The following UNC5C variants were observed in gnomAD, a reference collection of about 807,000 sequenced individuals.
UNC5C encodes the protein unc-5 netrin receptor C, also known as netrin receptor UNC5C.
In UNC5C, 47 loss-of-function variants were observed where a neutral mutation model predicts 99.8. The observed-to-expected ratio is 0.47, with a 90% CI of 0.37 to 0.60. UNC5C has a LOEUF of 0.60. Among genes scored for constraint, UNC5C ranks in the 20% least tolerant of loss-of-function variants. UNC5C has a pLI of 0.00. For missense variants in UNC5C, 1,062 were observed against 1,165.9 expected (o/e 0.91, Z 1.30); for synonymous variants, 487 against 452.2 (o/e 1.08, Z -0.98).
chr4:95,250,178 T>C (rs1450603939), intron 5 of UNC5C, among the ~76,000 whole-genome samples: 1 of 152,028 alleles, frequency 6.6e-6, no homozygotes, highest in East Asian at 1.9e-4. Flanking sequence ...TTAAACCTCA[T>C]TGCCCCTGTG....
intron 2 of UNC5C, among the ~76,000 whole-genome samples, chr4:95,330,741 G>T (rs1357048306): frequency 2.6e-5 from 4 of 151,744 alleles, no homozygotes; most frequent in African/African-American, 9.7e-5. Flanking sequence ...TTGTCTAATG[G>T]CACTGGCTAG....
chr4:95,240,479 G>A (rs1012673436), intron 7 of UNC5C, among the ~76,000 whole-genome samples: 6 of 152,104 alleles, frequency 3.9e-5, no homozygotes, highest in African/African-American at 1.4e-4. Context: ...ATACAGGAGG[G>A]CAGATGAAAG....
chr4:95,503,887 T>C (rs1289665785), intron 1 of UNC5C, among the ~76,000 whole-genome samples: 1 of 152,168 alleles, frequency 6.6e-6, no homozygotes, highest in East Asian at 1.9e-4. Flanking sequence ...TTCACTTGTA[T>C]CCTTGATATA....
intron 1 of UNC5C, among the ~76,000 whole-genome samples, chr4:95,470,854 T>C (rs1465148047): frequency 6.6e-6 from 1 of 152,140 alleles, no homozygotes; most frequent in Admixed American, 6.6e-5. Context: ...ATTATTCATT[T>C]TAATTTGTAA....
chr4:95,394,101 G>A (rs1025826716), intron 1 of UNC5C, among the ~76,000 whole-genome samples: 2 of 152,048 alleles, frequency 1.3e-5, no homozygotes, highest in Non-Finnish European at 2.9e-5. Flanking sequence ...TGCTTTTAAT[G>A]TACTAAAGCT....
chr4:95,242,695 C>A (rs1739371508), intron 6 of UNC5C, 102 bp from the exon 7 acceptor site: 3 of 1,286,864 alleles, frequency 2.3e-6, no homozygotes, highest in Non-Finnish European at 3.1e-6. Flanking sequence ...CAAGAACAAG[C>A]ATGCCCTACT....
intron 1 of UNC5C, among the ~76,000 whole-genome samples, chr4:95,437,208 G>C (rs1159894763): frequency 6.6e-6 from 1 of 151,720 alleles, no homozygotes; most frequent in Non-Finnish European, 1.5e-5. Context: ...ATTTACATTA[G>C]TGTATCATGT....
intron 1 of UNC5C, among the ~76,000 whole-genome samples, chr4:95,350,853 T>A (rs1004736877): frequency 2.0e-5 from 3 of 152,126 alleles, no homozygotes; most frequent in African/African-American, 7.2e-5. Context: ...AACTTAGGTG[T>A]TTCTGTGAAG....
chr4:95,411,030 C>A (rs1745971116), intron 1 of UNC5C, among the ~76,000 whole-genome samples: 1 of 152,186 alleles, frequency 6.6e-6, no homozygotes, highest in South Asian at 2.1e-4. Flanking sequence ...ATTGTCTCTA[C>A]AAGTCAACCT....
chr4:95,254,996 G>GTT (rs545985223), intron 4 of UNC5C, among the ~76,000 whole-genome samples: 3 of 141,686 alleles, frequency 2.1e-5, no homozygotes, highest in African/African-American at 5.1e-5. Flanking sequence ...GTTGTTTTTT[G>GTT]TTTTTTTTTT....
At chr4:95,475,712 A>G (rs1748124756) in intron 1 of UNC5C, among the ~76,000 whole-genome samples, 1 of 152,126 alleles carries the variant, frequency 6.6e-6, no homozygotes, top group Non-Finnish European at 1.5e-5. Flanking sequence ...TAAAACAAAC[A>G]GCTACCCACC....
chr4:95,216,108 G>GA lies in UNC5C; in HGVS notation c.1733+15dup. The GA allele has an allele frequency of 1.2e-6, 2 of 1,606,984 alleles. No individual in the cohort carries two copies. Among genetic ancestry groups the GA allele is most frequent in the Non-Finnish European group, 1.7e-6 (2 of 1,174,668 alleles). ...AGACATTGGTAAAGTCAGTGCACCA[G>GA]AAAAAGCATATTTACCTCATAGTTT... On this transcript the variant is annotated intron_variant, in intron 10 of 15. Transcript: ENST00000453304.
At chr4:95,512,629 A>G (rs1722109468) in intron 1 of UNC5C, among the ~76,000 whole-genome samples, 1 of 152,202 alleles carries the variant, frequency 6.6e-6, no homozygotes. Context: ...TCAATTTTAC[A>G]TAACAAAATC....
intron 2 of UNC5C, among the ~76,000 whole-genome samples, chr4:95,329,608 C>T (rs116674584): frequency 6.6e-6 from 1 of 152,134 alleles, no homozygotes; most frequent in African/African-American, 2.4e-5. Context: ...CATTGCTGTT[C>T]CTGTATCTTG....
intron 10 of UNC5C, among the ~76,000 whole-genome samples, chr4:95,213,045 C>T (rs1738129109): frequency 6.6e-6 from 1 of 152,216 alleles, no homozygotes; most frequent in African/African-American, 2.4e-5. Flanking sequence ...CCGGATCAAT[C>T]TTTAAAAAGC....
chr4:95,284,565 G>A (rs1174885018), intron 3 of UNC5C, among the ~76,000 whole-genome samples: 4 of 152,118 alleles, frequency 2.6e-5, no homozygotes, highest in Admixed American at 2.6e-4. Context: ...GGATCTACAG[G>A]TGTGAGTAAG....
intron 1 of UNC5C, among the ~76,000 whole-genome samples, chr4:95,483,033 TAATAA>T (rs765679779): frequency 0.27 from 36,902 of 137,034 alleles, 5,486 homozygotes; most frequent in Non-Finnish European, 0.34. Flanking sequence ...ATAATAATAA[TAATAA>T]TAATAAAAAC....
intron 4 of UNC5C, among the ~76,000 whole-genome samples, chr4:95,272,868 G>A (rs1265472458): frequency 1.3e-5 from 2 of 152,148 alleles, no homozygotes; most frequent in East Asian, 1.9e-4. Flanking sequence ...CAATATAGCT[G>A]CATGGAAATT....
At chr4:95,179,155 C>T (rs1042464253) in intron 14 of UNC5C, among the ~76,000 whole-genome samples, 2 of 152,168 alleles carry the variant, frequency 1.3e-5, no homozygotes, top group African/African-American at 4.8e-5. Context: ...TGATGACACA[C>T]ATATTCAGGA....
Sources: allele counts gnomAD v4.1 joint callset (sites outside exome capture counted in the v4.1 genomes callset), GRCh38; gene constraint gnomAD v4.1.1; transcripts MANE v1.5; gene names NCBI Gene and HGNC (gene_info 2026-07-23, HGNC 2026-07-21).